The following USP40 variants were observed in gnomAD, a reference collection of about 807,000 sequenced individuals.
The protein encoded by USP40 is ubiquitin carboxyl-terminal hydrolase 40.
Under a neutral mutation model 166.2 loss-of-function variants are expected in USP40, and 143 were observed. The ratio of observed to expected loss-of-function variants is 0.86; its 90% CI spans 0.75 to 0.99. The LOEUF (loss-of-function observed/expected upper bound fraction) is 0.99, where lower values mean the gene tolerates loss of function less well. Among genes scored for constraint, USP40 ranks in the 50% least tolerant of loss-of-function variants. The pLI, the probability that USP40 is intolerant of heterozygous loss-of-function variation, is 0.00. For missense variants in USP40, 1,444 were observed against 1,479.7 expected, an observed-to-expected ratio of 0.98 and a Z score of 0.40; for synonymous variants, 498 against 524.0, an observed-to-expected ratio of 0.95 and a Z score of 0.68.
rs1325923532 is a variant in USP40, at chr2:233,499,780, C to A, written c.2650+99G>T. 4.4e-6 allele frequency: 4 copies of A among 918,866 alleles called. No homozygotes were observed. In the East Asian group the frequency reaches 1.0e-4, roughly 24 times the overall value. 56.9% of individuals were successfully genotyped at this position (918,866 alleles called of 1,614,324 possible). On this transcript the variant is annotated intron_variant, in intron 22 of 31. Transcript: ENST00000678225. The stretch of plus-strand genomic sequence containing the variant: ...GTAAACTACTTTTTATTTCTCCACA[C>A]CCTATAAATTTTTTTTTCCTACAAC...
intron 17 of USP40, among the ~76,000 whole-genome samples, chr2:233,520,727 GA>G (rs1356951702): frequency 6.6e-6 from 1 of 152,266 alleles, no homozygotes; most frequent in African/African-American, 2.4e-5. Context: ...GGGAGCCAGA[GA>G]ATTCCATGAA....
chr2:233,556,820 CATAACTTATTACTAA>C lies in USP40; in HGVS notation c.546+20_546+34del. ...TAATTACATGGATTATAATTTACAACATAACTTATTACTAAAATACTCTGGCATATTTACCTGCCT... is the reference window on the plus strand; with the variant it reads ...TAATTACATGGATTATAATTTACAACAATACTCTGGCATATTTACCTGCCT... On this transcript the variant is annotated intron_variant, in intron 5 of 31. Transcript: ENST00000678225. The C allele has an allele frequency of 6.4e-7, 1 of 1,568,272 alleles. No individual in the cohort carries two copies. Among genetic ancestry groups the C allele is most frequent in the Non-Finnish European group, 8.7e-7 (1 of 1,152,674 alleles).
intron 31 of USP40, 30 bp from the exon 32 acceptor site, chr2:233,477,533 C>T: frequency 1.3e-6 from 2 of 1,589,694 alleles, no homozygotes; most frequent in Non-Finnish European, 1.7e-6. Context: ...GTCATTGACT[C>T]ATGGATGCAG....
Position 233,528,695 on chromosome 2 carries a change from T to G in USP40, c.1553+736A>C, listed in dbSNP as rs1246081116. On this transcript the variant is annotated intron_variant, in intron 12 of 31. Transcript: ENST00000678225. The stretch of plus-strand genomic sequence containing the variant: ...ATCTTGGTTTTTGTTGTTTCTTTGC[T>G]CGTGTCATTCACTGTACTTTTTTCC... 3.9e-5 allele frequency among the ~76,000 whole-genome samples: 6 copies of G among 152,326 alleles called. No homozygotes were observed. In the East Asian group the frequency reaches 7.7e-4, roughly 20 times the overall value.
chr2:233,559,614 C>A (rs73123137), intron 4 of USP40, among the ~76,000 whole-genome samples, 197 bp downstream of exon 4: 1,978 of 152,218 alleles, frequency 0.013, 41 homozygotes, highest in African/African-American at 0.045. Context: ...CAAATCACAG[C>A]CATTCATAAA....
chr2:233,501,601 T>A (rs2066074078), intron 21 of USP40, among the ~76,000 whole-genome samples: 2 of 152,150 alleles, frequency 1.3e-5, no homozygotes, highest in African/African-American at 4.8e-5. Context: ...CAGAATGAGA[T>A]GTGGTCAGAT....
chr2:233,543,347 T>G (rs181479665), intron 8 of USP40, among the ~76,000 whole-genome samples: 2 of 152,180 alleles, frequency 1.3e-5, no homozygotes, highest in East Asian at 3.9e-4. Flanking sequence ...AATAAAAACA[T>G]CTTAAACACA....
Position 233,481,205 on chromosome 2 carries a change from T to C in USP40, c.3597A>G (p.Lys1199=), listed in dbSNP as rs764897906. The part of the protein sequence containing the change: ...KQKQRALGRR[K]SQEALHEQSS... The stretch of plus-strand genomic sequence containing the variant: ...TCTGTGCAGACCCCAGCAATTACCT[T>C]TTCCTTCTCCCCAGGGCCCGTTGTT... The change falls in exon 31 of 32, where the codon AAA becomes AAG. Residue 1199 remains lysine, a splice_region_variant and synonymous_variant. Transcript: ENST00000678225. 5.6e-6 allele frequency: 9 copies of C among 1,601,454 alleles called. No homozygotes were observed. The highest frequency in any genetic ancestry group is 3.3e-4 in the Middle Eastern group (2 of 6,064).
At chr2:233,540,136 A>C (rs953553895) in intron 10 of USP40, among the ~76,000 whole-genome samples, 2 of 151,646 alleles carry the variant, frequency 1.3e-5, no homozygotes, top group Non-Finnish European at 2.9e-5. Flanking sequence ...AAAAAAAAAA[A>C]AAACAAAAAA....
intron 10 of USP40, among the ~76,000 whole-genome samples, chr2:233,537,443 T>TG (rs1458084458): frequency 6.6e-6 from 1 of 152,136 alleles, no homozygotes; most frequent in Non-Finnish European, 1.5e-5. Context: ...AAAAAGACTT[T>TG]GGACCACAGA....
rs187405269 is a variant in USP40, at chr2:233,556,094, C to T, written c.546+761G>A. On this transcript the variant is annotated intron_variant, in intron 5 of 31. Transcript: ENST00000678225. Reference sequence around the variant, plus strand: ...TCGTGCCACTGCACTCCAGCCTGGGCGACAAAGCAAGACTCCATCTCAAAA... The same window carrying T: ...TCGTGCCACTGCACTCCAGCCTGGGTGACAAAGCAAGACTCCATCTCAAAA... Among the ~76,000 whole-genome samples the T allele has an allele frequency of 1.2e-3, 168 of 145,288 alleles. 1 individual carries two copies. In the East Asian group the frequency reaches 0.014, roughly 12 times the overall value.
rs751401472 is a variant in USP40 at position 233,512,630 on chromosome 2, T to A, written c.2384-8A>T. 9.8e-6 allele frequency: 15 copies of A among 1,525,278 alleles called. No homozygotes were observed. The highest frequency in any genetic ancestry group is 1.4e-5 in the African/African-American group (1 of 71,166). 94.5% of individuals were successfully genotyped at this position (1,525,278 alleles called of 1,614,324 possible). On this transcript the variant is annotated splice_polypyrimidine_tract_variant and splice_region_variant and intron_variant, in intron 18 of 31. Transcript: ENST00000678225. ...TCAAACAGCTGTTGTCAGCTATATA[T>A]AAAAGGAATATTATTTTTCTTAGAG...
At chr2:233,550,508 A>C (rs956705395) in intron 7 of USP40, among the ~76,000 whole-genome samples, 7 of 151,490 alleles carry the variant, frequency 4.6e-5, no homozygotes, top group Non-Finnish European at 7.4e-5. Context: ...AAAAAAAAAA[A>C]CCCCAAAAAG....
chr2:233,482,595 G>GTT (rs575327136), intron 30 of USP40, among the ~76,000 whole-genome samples: 12 of 123,268 alleles, frequency 9.7e-5, no homozygotes, highest in South Asian at 7.9e-4. Flanking sequence ...TTTTTTTTTT[G>GTT]TTTTTTTTTT....
Position 233,476,926 on chromosome 2 carries a change from C to G in USP40, c.*466G>C. 1 of 258,274 alleles carries G rather than the reference C, an allele frequency of 3.9e-6. No individual in the cohort carries two copies. Among genetic ancestry groups the G allele is most frequent in the Non-Finnish European group, 7.6e-6 (1 of 131,726 alleles). The allele number at this position is 258,274 out of a possible 1,614,324, so 16.0% of individuals were successfully genotyped here. A position where few individuals can be genotyped will look rare whatever the true frequency, so the allele number is the denominator to read the frequency against. ...CACTTCTGCCCGCTTCTGCTCAGCACCAGCGCGGTGGCGCAGTGGCCTGAG... is the reference window on the plus strand; with the variant it reads ...CACTTCTGCCCGCTTCTGCTCAGCAGCAGCGCGGTGGCGCAGTGGCCTGAG... On this transcript the variant is annotated 3_prime_UTR_variant, in exon 32 of 32. Transcript: ENST00000678225.
intron 10 of USP40, among the ~76,000 whole-genome samples, chr2:233,537,555 T>A (rs535177425): frequency 6.6e-6 from 1 of 152,072 alleles, no homozygotes; most frequent in South Asian, 2.1e-4. Context: ...AAAGAAAATC[T>A]TAAAAGTAGA....
chr2:233,553,555 C>A (rs551406931), intron 6 of USP40, among the ~76,000 whole-genome samples: 3 of 152,244 alleles, frequency 2.0e-5, no homozygotes, highest in African/African-American at 7.2e-5. Flanking sequence ...TAAATCCCTG[C>A]CATATCAGAA....
At chr2:233,498,999 TTTTTA>T (rs1326910250) in intron 22 of USP40, among the ~76,000 whole-genome samples, 2 of 152,114 alleles carry the variant, frequency 1.3e-5, no homozygotes, top group African/African-American at 2.4e-5. Flanking sequence ...CTTAGCGTTC[TTTTTA>T]TTTTAAGTTC....
At position 233,487,222 on chromosome 2, in the gene USP40, C is replaced by T. The variant is rs1255660446; in HGVS notation, c.3197+1017G>A. The stretch of plus-strand genomic sequence containing the variant: ...AACTCAATCATGCACTCACAAAATA[C>T]AGTTTGCAAAAATGCCTGAACTTAT... On this transcript the variant is annotated intron_variant, in intron 28 of 31. Coordinates refer to ENST00000678225, the MANE Select transcript of USP40 (RefSeq NM_001365479.2). 2.6e-5 allele frequency among the ~76,000 whole-genome samples: 4 copies of T among 152,194 alleles called. 1 individual carries two copies. The South Asian group carries it at 8.3e-4, about 32-fold the overall frequency.
Sources: allele counts gnomAD v4.1 joint callset (sites outside exome capture counted in the v4.1 genomes callset), GRCh38; gene constraint gnomAD v4.1.1; transcripts MANE v1.5; gene names NCBI Gene and HGNC (gene_info 2026-07-23, HGNC 2026-07-21).